Variants in CPNE2 observed in about 807,000 individuals in gnomAD.
CPNE2 encodes copine-2.
Under a neutral mutation model 69.7 loss-of-function variants are expected in CPNE2, and 42 were observed. That is an observed-to-expected ratio of 0.60 (90% CI 0.47 to 0.78). The LOEUF (loss-of-function observed/expected upper bound fraction) is 0.78. Among genes scored for constraint, CPNE2 ranks in the 30% least tolerant of loss-of-function variants. The pLI is 0.00. For synonymous variants in CPNE2, 294 were observed against 289.8 expected, an observed-to-expected ratio of 1.01 and a Z score of -0.15; for missense variants, 587 against 732.0, an observed-to-expected ratio of 0.80 and a Z score of 2.29.
At position 57,110,860 on chromosome 16, in the gene CPNE2, G is replaced by T. The variant is rs752699777; in HGVS notation, c.118G>T (p.Val40Phe). Residue 40 changes from valine to phenylalanine, a missense_variant, in exon 2 of 16, where the codon GTT becomes TTT. Val to Phe is a conservative substitution (Grantham distance 50). This residue lies in a region of CPNE2 where 96 missense variants were observed against 94.9 expected (regional missense o/e 1.01). Coordinates refer to ENST00000290776, the MANE Select transcript of CPNE2 (RefSeq NM_152727.6). ...VSGQNLLDRD[V>F]TSKSDPFCVL... ...TGGCCAGAACCTACTGGACCGGGAT[G>T]TTACCTCCAAGTCCGACCCCTTCTG... The T allele has an allele frequency of 6.2e-7, 1 of 1,613,762 alleles. No individual in the cohort carries two copies. The highest frequency in any genetic ancestry group is 8.5e-7 in the Non-Finnish European group (1 of 1,179,896).
chr16:57,097,886 G>T (rs2069587915), intron 1 of CPNE2, among the ~76,000 whole-genome samples: 1 of 152,224 alleles, frequency 6.6e-6, no homozygotes, highest in Non-Finnish European at 1.5e-5. Flanking sequence ...AGCACTCCGT[G>T]CCTATCCCCA....
chr16:57,127,829 T>A lies in CPNE2; in HGVS notation c.1062-20T>A. The A allele has an allele frequency of 2.5e-6, 4 of 1,612,276 alleles. No individual in the cohort carries two copies. The highest frequency in any genetic ancestry group is 3.4e-6 in the Non-Finnish European group (4 of 1,179,802). On this transcript the variant is annotated intron_variant, in intron 11 of 15. Transcript: ENST00000290776. ...GTCCTCAGGTGTCTTACAGTGTGTT[T>A]CTCTTCTCTCTCTGATTAGTGATAA... is the stretch of plus-strand genomic sequence containing the variant.
At position 57,130,609 on chromosome 16, in the gene CPNE2, TTTTGATCG is replaced by T. The variant is rs1220416457; in HGVS notation, c.1116+2709_1116+2716del. 6.6e-6 allele frequency among the ~76,000 whole-genome samples: 1 copy of T among 151,888 alleles called. No individual in the cohort carries two copies. The highest frequency in any genetic ancestry group is 1.5e-5 in the Non-Finnish European group (1 of 67,998). Reference sequence around the variant, plus strand: ...TGAGGTAGGCCCTGTTATGAACCCATTTTGATCGTTGAGGAAGCCAAGCAGTCAGGGCT... The same window carrying T: ...TGAGGTAGGCCCTGTTATGAACCCATTTGAGGAAGCCAAGCAGTCAGGGCT... On this transcript the variant is annotated intron_variant, in intron 12 of 15. Transcript: ENST00000290776. The surrounding 1 kb of genome is among the most constrained non-coding windows in gnomAD (Gnocchi z 4.1).
At chr16:57,112,404 T>C (rs1460386767) in intron 2 of CPNE2, among the ~76,000 whole-genome samples, 6 of 151,934 alleles carry the variant, frequency 3.9e-5, no homozygotes, top group Non-Finnish European at 7.4e-5. Flanking sequence ...CCCTGACTCA[T>C]AGCACAATCC....
intron 5 of CPNE2, among the ~76,000 whole-genome samples, chr16:57,118,251 C>T (rs1453729417): frequency 2.0e-5 from 3 of 151,394 alleles, no homozygotes; most frequent in African/African-American, 7.3e-5. Flanking sequence ...CTGCAAGCTC[C>T]GCCTCCTGAG....
At chr16:57,129,471 G>C (rs35364178) in intron 12 of CPNE2, among the ~76,000 whole-genome samples, 3 of 152,164 alleles carry the variant, frequency 2.0e-5, no homozygotes, top group Admixed American at 6.5e-5. Context: ...GATGAGGAAC[G>C]GGGTGGGTGC....
At chr16:57,134,389 C>T (rs1431694568) in intron 12 of CPNE2, among the ~76,000 whole-genome samples, 4 of 152,192 alleles carry the variant, frequency 2.6e-5, no homozygotes, top group Non-Finnish European at 4.4e-5. Context: ...AGAAGCGGTG[C>T]TCTAGTTGTG....
At chr16:57,133,001 G>A (rs1361824048) in intron 12 of CPNE2, among the ~76,000 whole-genome samples, 1 of 152,112 alleles carries the variant, frequency 6.6e-6, no homozygotes, top group Non-Finnish European at 1.5e-5. Context: ...ATCAGCAGGG[G>A]GCTTTCCCAC....
In CPNE2 at chr16:57,115,531, C is replaced by A. The variant is rs772405976; in HGVS notation, c.416C>A (p.Ala139Glu). Residue 139 changes from alanine to glutamate, a missense_variant, in exon 4 of 16, where the codon GCG (alanine) becomes GAG (glutamate). Transcript: ENST00000290776. ...RPLLLLNDKP[A>E]GKGLITIAAQ... ...CTGCTGCTGCTGAATGACAAGCCTG[C>A]GGGGAAGGGCTTGATTACGGTACCA... 4.3e-6 allele frequency: 7 copies of A among 1,611,620 alleles called. No individual in the cohort carries two copies. The highest frequency in any genetic ancestry group is 1.7e-4 in the Middle Eastern group (1 of 6,052).
Position 57,147,585 on chromosome 16 carries a change from C to A in CPNE2, c.1574C>A (p.Ala525Glu). Residue 525 changes from alanine (A) to glutamate (E), a missense_variant, in exon 16 of 16, where the codon GCG becomes GAG. This residue lies in a region of CPNE2 where 185 missense variants were observed against 252.3 expected (regional missense o/e 0.73). Coordinates refer to ENST00000290776, the MANE Select transcript of CPNE2 (RefSeq NM_152727.6). ...AKETLAKAVLAELPQQVVQYF... is the reference protein window; with the variant it reads ...AKETLAKAVLEELPQQVVQYF... ...GAGACCTTGGCCAAAGCTGTGCTGG[C>A]GGAGCTGCCCCAACAAGTTGTGCAG... 2 of 1,609,300 alleles carry A rather than the reference C, an allele frequency of 1.2e-6. No individual in the cohort carries two copies. The highest frequency in any genetic ancestry group is 1.7e-6 in the Non-Finnish European group (2 of 1,176,630).
Position 57,110,856 on chromosome 16 carries a change from G to A in CPNE2, c.114G>A (p.Arg38=). 1 of 1,613,914 alleles carries A rather than the reference G, an allele frequency of 6.2e-7. No homozygotes were observed. Among genetic ancestry groups the A allele is most frequent in the South Asian group, 1.1e-5 (1 of 91,040 alleles). ...LSVSGQNLLD[R]DVTSKSDPFC... ...TGAGTGGCCAGAACCTACTGGACCG[G>A]GATGTTACCTCCAAGTCCGACCCCT... Residue 38 remains arginine, a synonymous_variant, in exon 2 of 16, where the codon CGG becomes CGA. Transcript: ENST00000290776.
intron 1 of CPNE2, among the ~76,000 whole-genome samples, chr16:57,094,356 G>T (rs2069564817): frequency 2.6e-5 from 4 of 152,152 alleles, no homozygotes; most frequent in Admixed American, 2.0e-4. Context: ...CAAGTAGGGA[G>T]CACTTCATGA....
rs756341678 is a variant in CPNE2 at position 57,119,147 on chromosome 16, C to T, written c.508-48C>T. The T allele has an allele frequency of 4.5e-6, 7 of 1,551,842 alleles. No individual in the cohort carries two copies. The African/African-American group carries it at 8.1e-5, about 18-fold the overall frequency. On this transcript the variant is annotated intron_variant, in intron 5 of 15. Coordinates refer to ENST00000290776, the MANE Select transcript of CPNE2 (RefSeq NM_152727.6). The stretch of plus-strand genomic sequence containing the variant: ...AGGGCCACACCCCCATCTGCCTGAA[C>T]CTAGCAGGGCTGTACCTCTCTCACC...
chr16:57,128,636 G>A (rs2069817076), intron 12 of CPNE2, among the ~76,000 whole-genome samples: 1 of 152,114 alleles, frequency 6.6e-6, no homozygotes, highest in Non-Finnish European at 1.5e-5. Context: ...ATGGATCTAG[G>A]GGTACAAGTA....
chr16:57,119,121 C>A, intron 5 of CPNE2, 74 bp from the exon 6 acceptor site: 1 of 1,321,758 alleles, frequency 7.6e-7, no homozygotes, highest in Non-Finnish European at 1.1e-6. Flanking sequence ...GGGGAGGCAG[C>A]AGGGCCACAC....
At chr16:57,121,819 C>G in intron 9 of CPNE2, 59 bp downstream of exon 9, 1 of 1,492,370 alleles carries the variant, frequency 6.7e-7, no homozygotes, top group Non-Finnish European at 9.3e-7. Context: ...ACAGAAGGGA[C>G]AGACAGAGCA....
At chr16:57,126,378 A>G (rs919144309) in intron 11 of CPNE2, among the ~76,000 whole-genome samples, 1 of 150,748 alleles carries the variant, frequency 6.6e-6, no homozygotes, top group South Asian at 2.1e-4. Flanking sequence ...GAGGCCAGCC[A>G]TTCTGGTTCC....
At chr16:57,129,762 T>A (rs2069824697) in intron 12 of CPNE2, among the ~76,000 whole-genome samples, 1 of 152,112 alleles carries the variant, frequency 6.6e-6, no homozygotes. Context: ...GTGGTTGCAG[T>A]GAGCCGAGAT....
intron 11 of CPNE2, among the ~76,000 whole-genome samples, chr16:57,127,448 G>A (rs1567670779): frequency 6.6e-6 from 1 of 152,170 alleles, no homozygotes; most frequent in Non-Finnish European, 1.5e-5. Flanking sequence ...TGCCACAGGA[G>A]GGTTCTCATA....
Sources: allele counts gnomAD v4.1 joint callset (sites outside exome capture counted in the v4.1 genomes callset), GRCh38; gene constraint gnomAD v4.1.1; regional missense constraint gnomAD v4.1.1; non-coding constraint Gnocchi (gnomAD v3.1); transcripts MANE v1.5; gene names NCBI Gene and HGNC (gene_info 2026-07-23, HGNC 2026-07-21).